The following GPR39 variants were observed in gnomAD, a reference collection of about 807,000 sequenced individuals.
The protein encoded by GPR39 is zinc sensing receptor.
GPR39 carries 23 observed loss-of-function variants against 18.4 expected under a neutral mutation model. That is an observed-to-expected ratio of 1.25 (90% confidence interval 0.90 to 1.77). The LOEUF (loss-of-function observed/expected upper bound fraction) is 1.77. GPR39 is among the 40% of genes most tolerant of loss of function. The pLI is 0.00. For missense variants in GPR39, 647 were observed against 602.4 expected (o/e 1.07, Z -0.78); for synonymous variants, 280 against 257.9 (o/e 1.09, Z -0.82).
At chr2:132,545,654 G>GTGTGTGTGTGTGTA (rs35932971) in intron 1 of GPR39, among the ~76,000 whole-genome samples, 3 of 43,848 alleles carry the variant, frequency 6.8e-5, no homozygotes, top group African/African-American at 3.3e-4. Context: ...TGTGTGATGG[G>GTGTGTGTGTGTGTA]CGTGTGTGTG....
At chr2:132,483,938 C>T (rs115785202) in intron 1 of GPR39, among the ~76,000 whole-genome samples, 21 of 152,278 alleles carry the variant, frequency 1.4e-4, no homozygotes, top group African/African-American at 4.8e-4. Context: ...AGTATGTCAG[C>T]TTTTCTTCTG....
intron 1 of GPR39, among the ~76,000 whole-genome samples, chr2:132,586,240 C>T (rs1424752582): frequency 6.6e-6 from 1 of 152,106 alleles, no homozygotes. Flanking sequence ...AAGCCATTCA[C>T]TTGGAGCATT....
intron 1 of GPR39, among the ~76,000 whole-genome samples, chr2:132,533,616 C>T (rs1445109045): frequency 5.9e-5 from 9 of 152,044 alleles, no homozygotes; most frequent in Non-Finnish European, 8.8e-5. Context: ...CTACAGTAAC[C>T]AAAACAGCAT....
At chr2:132,562,841 C>T (rs3109144) in intron 1 of GPR39, among the ~76,000 whole-genome samples, 35,900 of 151,968 alleles carry the variant, frequency 0.24, 4,381 homozygotes, top group Non-Finnish European at 0.26. Context: ...GCAGCAACAC[C>T]GAGAAAGAGT....
Position 132,645,215 on chromosome 2 carries a change from T to G in GPR39, c.971T>G (p.Ile324Ser). Residue 324 changes from isoleucine to serine, a missense_variant, in exon 2 of 2, where the codon ATC becomes AGC. Transcript: ENST00000329321. ...AGGTCCTACTTCCGGGCGTACATGA[T>G]CCTCCTCCCCTTCTCGGAGACGTTT... ...WTRSYFRAYMILLPFSETFFY... is the reference protein window; with the variant it reads ...WTRSYFRAYMSLLPFSETFFY... 2 of 1,614,128 alleles carry G rather than the reference T, an allele frequency of 1.2e-6. No homozygotes were observed. Among genetic ancestry groups the G allele is most frequent in the Non-Finnish European group, 1.7e-6 (2 of 1,180,010 alleles).
chr2:132,566,334 T>A (rs1466717220), intron 1 of GPR39, among the ~76,000 whole-genome samples: 1 of 150,652 alleles, frequency 6.6e-6, no homozygotes, highest in African/African-American at 2.4e-5. Context: ...GCAAAAATTT[T>A]CTCCCATGTT....
chr2:132,492,033 C>T (rs1224818402), intron 1 of GPR39, among the ~76,000 whole-genome samples: 2 of 147,898 alleles, frequency 1.4e-5, no homozygotes, highest in Non-Finnish European at 3.0e-5. Context: ...CATATATATA[C>T]ACCACATATA....
At chr2:132,605,479 G>C (rs1319294908) in intron 1 of GPR39, among the ~76,000 whole-genome samples, 1 of 152,102 alleles carries the variant, frequency 6.6e-6, no homozygotes, top group African/African-American at 2.4e-5. Context: ...AAGCATCCCT[G>C]CTCTCCAGAA....
rs1275661659 is a variant in GPR39, at chr2:132,533,939, C to T, written c.857-111162C>T. On this transcript the variant is annotated intron_variant, in intron 1 of 1. Coordinates refer to ENST00000329321, the MANE Select transcript of GPR39 (RefSeq NM_001508.3). ...TTCAGGACATAGGCATGGGCAAGGA[C>T]TTCATGTCTAAAACACCAAAAGCAA... Among the ~76,000 whole-genome samples the T allele has an allele frequency of 3.3e-5, 5 of 152,304 alleles. No homozygotes were observed. In the East Asian group the frequency reaches 9.6e-4, roughly 29 times the overall value.
intron 1 of GPR39, among the ~76,000 whole-genome samples, chr2:132,424,487 G>A (rs978832994): frequency 1.3e-5 from 2 of 152,124 alleles, no homozygotes; most frequent in African/African-American, 4.8e-5. Context: ...CCAGAGGATG[G>A]AATTACTGAC....
At chr2:132,549,649 G>A (rs149183417) in intron 1 of GPR39, among the ~76,000 whole-genome samples, 3,967 of 152,152 alleles carry the variant, frequency 0.026, 149 homozygotes, top group African/African-American at 0.088. Context: ...TTAGCCAGAC[G>A]TGGTGGTGCG....
intron 1 of GPR39, among the ~76,000 whole-genome samples, chr2:132,587,018 A>T (rs1680742183): frequency 6.6e-6 from 1 of 152,364 alleles, no homozygotes; most frequent in Admixed American, 6.5e-5. Flanking sequence ...TTATATGTTC[A>T]ATCTGGTTTT....
chr2:132,518,731 A>G (rs1679375188), intron 1 of GPR39, among the ~76,000 whole-genome samples: 1 of 152,266 alleles, frequency 6.6e-6, no homozygotes, highest in Non-Finnish European at 1.5e-5. Flanking sequence ...AATAGGTGAC[A>G]TTAACTTTAA....
intron 1 of GPR39, among the ~76,000 whole-genome samples, chr2:132,451,182 C>T (rs758778718): frequency 4.7e-5 from 4 of 84,974 alleles, no homozygotes; most frequent in Non-Finnish European, 1.2e-4. Flanking sequence ...TGTGCACGCG[C>T]GTGAAATGCT....
chr2:132,439,883 G>T (rs1393977838), intron 1 of GPR39, among the ~76,000 whole-genome samples: 2 of 152,182 alleles, frequency 1.3e-5, no homozygotes, highest in African/African-American at 4.8e-5. Flanking sequence ...TGGACTGCTT[G>T]TGCTGTCTCC....
At chr2:132,629,136 G>C (rs1362746897) in intron 1 of GPR39, among the ~76,000 whole-genome samples, 1 of 152,216 alleles carries the variant, frequency 6.6e-6, no homozygotes, top group Non-Finnish European at 1.5e-5. Flanking sequence ...TTGGAAAAAA[G>C]CTGGAGCACT....
intron 1 of GPR39, among the ~76,000 whole-genome samples, chr2:132,561,400 C>G (rs1189453845): frequency 2.0e-5 from 3 of 152,156 alleles, no homozygotes; most frequent in Non-Finnish European, 4.4e-5. Context: ...GCTCCTGCCC[C>G]CCATTAACTG....
chr2:132,640,780 G>A (rs1004980403), intron 1 of GPR39, among the ~76,000 whole-genome samples: 7 of 152,178 alleles, frequency 4.6e-5, no homozygotes, highest in African/African-American at 1.4e-4. Flanking sequence ...AGAGCCAATC[G>A]CAAACAGCCA....
chr2:132,503,858 C>T (rs1679087091), intron 1 of GPR39, among the ~76,000 whole-genome samples: 1 of 152,142 alleles, frequency 6.6e-6, no homozygotes. Flanking sequence ...CTGAGTCATA[C>T]AGGTCACCAA....
Sources: allele counts gnomAD v4.1 joint callset (sites outside exome capture counted in the v4.1 genomes callset), GRCh38; gene constraint gnomAD v4.1.1; transcripts MANE v1.5; gene names NCBI Gene and HGNC (gene_info 2026-07-23, HGNC 2026-07-21).